NEXN: variants seen among roughly 807,000 people sequenced by gnomAD.
NEXN encodes the protein nexilin.
In NEXN, 65 loss-of-function variants were observed where a neutral mutation model predicts 92.6. The ratio of observed to expected loss-of-function variants is 0.70; its 90% CI spans 0.57 to 0.86. The LOEUF (loss-of-function observed/expected upper bound fraction) is 0.86. Among genes scored for constraint, NEXN ranks in the 40% least tolerant of loss-of-function variants. NEXN has a pLI of 0.00. For missense variants in NEXN, 778 were observed against 771.1 expected (o/e 1.01, Z -0.11); for synonymous variants, 254 against 242.5 (o/e 1.05, Z -0.44).
At chr1:77,893,352 C>T (rs1055803724) in intron 1 of NEXN, among the ~76,000 whole-genome samples, 3 of 152,206 alleles carry the variant, frequency 2.0e-5, no homozygotes, top group Non-Finnish European at 4.4e-5. Flanking sequence ...GATCATCTTC[C>T]GCTTGCAGAG....
intron 1 of NEXN, among the ~76,000 whole-genome samples, chr1:77,896,328 C>T (rs1009670700): frequency 2.6e-5 from 4 of 152,112 alleles, no homozygotes; most frequent in African/African-American, 7.2e-5. Flanking sequence ...TTGGGTTCAT[C>T]CTTTTTTATT....
chr1:77,942,094 T>C lies in NEXN; in HGVS notation c.1545T>C (p.Ala515=), dbSNP rs1287967301. 6.2e-7 allele frequency: 1 copy of C among 1,613,684 alleles called. No individual in the cohort carries two copies. The highest frequency in any genetic ancestry group is 1.1e-5 in the South Asian group (1 of 91,048). Residue 515 remains alanine, a synonymous_variant, in exon 12 of 13, where the codon GCT becomes GCC. Coordinates refer to ENST00000334785, the MANE Select transcript of NEXN (RefSeq NM_144573.4). ...APFTHKVNMK[A]RFEQMAKARE... The stretch of plus-strand genomic sequence containing the variant: ...TTACTCACAAAGTGAATATGAAAGC[T>C]AGATTTGAACAAATGGCTAAGGCAA...
intron 1 of NEXN, among the ~76,000 whole-genome samples, chr1:77,894,319 G>T (rs949275055): frequency 6.6e-6 from 1 of 152,112 alleles, no homozygotes; most frequent in Non-Finnish European, 1.5e-5. Flanking sequence ...TCACTACTTC[G>T]TATAGGTGAA....
intron 1 of NEXN, among the ~76,000 whole-genome samples, chr1:77,901,325 T>A (rs1647688684): frequency 6.6e-6 from 1 of 152,174 alleles, no homozygotes; most frequent in Non-Finnish European, 1.5e-5. Context: ...AAATGTAAAA[T>A]TATTTTCCTC....
chr1:77,917,791 T>C (rs1343569829), intron 3 of NEXN, 34 bp downstream of exon 3: 3 of 1,542,870 alleles, frequency 1.9e-6, no homozygotes, highest in Non-Finnish European at 2.7e-6. Flanking sequence ...CGTGAAAATA[T>C]TTGTTTGCAT....
chr1:77,907,372 G>A lies in NEXN; in HGVS notation c.-52-8683G>A, dbSNP rs370682286. ...TTTACAGTGTCTACGTAATTATGAA[G>A]TTTTTTCTCCAACATAAAAATATTT... On this transcript the variant is annotated intron_variant, in intron 1 of 12. Transcript: ENST00000334785. Among the ~76,000 whole-genome samples the A allele has an allele frequency of 1.3e-3, 205 of 152,296 alleles. 7 individuals are homozygous for A. In the South Asian group the frequency reaches 0.041, roughly 30 times the overall value.
chr1:77,928,701 T>C (rs1650057755), intron 8 of NEXN, among the ~76,000 whole-genome samples: 1 of 151,828 alleles, frequency 6.6e-6, no homozygotes, highest in Non-Finnish European at 1.5e-5. Flanking sequence ...AATTACAAAA[T>C]GAGAACATTA....
intron 1 of NEXN, among the ~76,000 whole-genome samples, chr1:77,892,211 G>T (rs933626727): frequency 1.3e-5 from 2 of 152,096 alleles, no homozygotes; most frequent in East Asian, 1.9e-4. Context: ...CTTTTTTAAA[G>T]AAATTATTTT....
chr1:77,924,830 T>C (rs1473882106), intron 5 of NEXN, among the ~76,000 whole-genome samples: 2 of 152,156 alleles, frequency 1.3e-5, no homozygotes, highest in East Asian at 3.9e-4. Flanking sequence ...CAGCTAACTT[T>C]TGTACTTTTT....
chr1:77,925,961 G>GT (rs1392234779), intron 6 of NEXN, among the ~76,000 whole-genome samples: 1 of 151,910 alleles, frequency 6.6e-6, no homozygotes, highest in African/African-American at 2.4e-5. Flanking sequence ...GAAATACTGT[G>GT]TTTTTTTCTC....
At chr1:77,890,568 C>T (rs372817694) in intron 1 of NEXN, among the ~76,000 whole-genome samples, 2 of 152,058 alleles carry the variant, frequency 1.3e-5, no homozygotes, top group East Asian at 1.9e-4. Context: ...TCTTTTTCCC[C>T]TGAAATTTCA....
chr1:77,939,933 G>C (rs1379620475), intron 11 of NEXN, among the ~76,000 whole-genome samples: 2 of 152,128 alleles, frequency 1.3e-5, no homozygotes, highest in African/African-American at 4.8e-5. Context: ...AATTAGCCGG[G>C]CGTGGTGGCA....
chr1:77,905,706 A>G (rs17101054), intron 1 of NEXN, among the ~76,000 whole-genome samples: 1,922 of 152,328 alleles, frequency 0.013, 42 homozygotes, highest in African/African-American at 0.045. Context: ...CATTGTGGTC[A>G]GTGCTACAAT....
intron 11 of NEXN, among the ~76,000 whole-genome samples, chr1:77,939,588 A>G (rs957255486): frequency 5.9e-5 from 9 of 152,222 alleles, no homozygotes; most frequent in Non-Finnish European, 1.2e-4. Context: ...TATGTAGGTA[A>G]TAACAAAAAT....
rs1360262675 is a variant in NEXN at position 77,923,477 on chromosome 1, A to G, written c.448-1711A>G. On this transcript the variant is annotated intron_variant, in intron 5 of 12. Transcript: ENST00000334785. Reference sequence around the variant, plus strand: ...TTTCATTGGTTTTAAAAGTCAAATTAAAACAATAAACAATCTGAATTCTTA... The same window carrying G: ...TTTCATTGGTTTTAAAAGTCAAATTGAAACAATAAACAATCTGAATTCTTA... 2.0e-5 allele frequency among the ~76,000 whole-genome samples: 3 copies of G among 152,130 alleles called. No homozygotes were observed. In the East Asian group the frequency reaches 5.8e-4, roughly 29 times the overall value.
At position 77,942,381 on chromosome 1, in the gene NEXN, A is replaced by T. The variant is rs998119667; in HGVS notation, c.1660-80A>T. On this transcript the variant is annotated intron_variant, in intron 12 of 12. Transcript: ENST00000334785. ...GTATGTTCTTTACTTAAAAAAAAAA[A>T]TTTCATTTCAAAATTGTTACTAAAT... 3.2e-5 allele frequency: 49 copies of T among 1,512,726 alleles called. 1 individual carries two copies. The Middle Eastern group carries it at 1.0e-3, about 32-fold the overall frequency. The allele number at this position is 1,512,726 out of a possible 1,614,324, so 93.7% of individuals were successfully genotyped here. A position where few individuals can be genotyped will look rare whatever the true frequency, so the allele number is the denominator to read the frequency against.
chr1:77,939,682 C>A (rs1487363487), intron 11 of NEXN, among the ~76,000 whole-genome samples: 1 of 152,156 alleles, frequency 6.6e-6, no homozygotes, highest in African/African-American at 2.4e-5. Flanking sequence ...AACTTTTATA[C>A]CCTATCAGAA....
chr1:77,922,203 G>A (rs956955594), intron 5 of NEXN, among the ~76,000 whole-genome samples: 1 of 146,200 alleles, frequency 6.8e-6, no homozygotes, highest in Non-Finnish European at 1.5e-5. Flanking sequence ...GCAGTGGCAC[G>A]ATTTCAGCTC....
At position 77,920,045 on chromosome 1, in the gene NEXN, C is replaced by T. The variant is rs185643289; in HGVS notation, c.447+1772C>T. ...CTCCCGAGTAGCTAGGACTAAGGCA[C>T]ATGCCACCACTCCCAGCTAATTTTT... On this transcript the variant is annotated intron_variant, in intron 5 of 12. Coordinates refer to ENST00000334785, the MANE Select transcript of NEXN (RefSeq NM_144573.4). Among the ~76,000 whole-genome samples the T allele has an allele frequency of 2.6e-5, 4 of 151,958 alleles. No individual in the cohort carries two copies. In the East Asian group the frequency reaches 7.8e-4, roughly 30 times the overall value.
Sources: gnomAD v4.1 joint callset for allele counts (sites outside exome capture counted in the v4.1 genomes callset) on GRCh38, gnomAD v4.1.1 for gene constraint, MANE v1.5 for transcripts, NCBI Gene and HGNC (gene_info 2026-07-23, HGNC 2026-07-21) for gene names.